Variants in NRP2 observed in about 807,000 individuals in gnomAD.
NRP2 encodes neuropilin-2.
Under a neutral mutation model 110.4 loss-of-function variants are expected in NRP2, and 52 were observed. That is an observed-to-expected ratio of 0.47 (90% CI 0.38 to 0.59). The LOEUF is 0.59. Among genes scored for constraint, NRP2 ranks in the 20% least tolerant of loss-of-function variants. NRP2 has a pLI of 0.00. For missense variants in NRP2, 1,049 were observed against 1,203.0 expected, an observed-to-expected ratio of 0.87 and a Z score of 1.89; for synonymous variants, 508 against 468.9, an observed-to-expected ratio of 1.08 and a Z score of -1.08.
chr2:205,763,993 G>A lies in NRP2; in HGVS notation c.2307+57G>A. On this transcript the variant is annotated intron_variant, in intron 13 of 16. Coordinates refer to ENST00000357785, the MANE Select transcript of NRP2 (RefSeq NM_003872.3). This position sits in a 1 kb window ranked among gnomAD's most constrained non-coding sequence, Gnocchi z 4.0. ...CGTATTTCAATATTTCAAGGGCCGAGCCCATTCATCGTTAGGGAACGTGGT... is the reference window on the plus strand; with the variant it reads ...CGTATTTCAATATTTCAAGGGCCGAACCCATTCATCGTTAGGGAACGTGGT... 4 of 1,604,612 alleles carry A rather than the reference G, an allele frequency of 2.5e-6. No individual in the cohort carries two copies. The highest frequency in any genetic ancestry group is 3.4e-6 in the Non-Finnish European group (4 of 1,173,934).
rs2056045930 is a variant in NRP2 at position 205,682,847 on chromosome 2, G to A, written c.-444G>A. The A allele has an allele frequency of 5.8e-6, 1 of 172,750 alleles. No homozygotes were observed. Among genetic ancestry groups the A allele is most frequent in the Non-Finnish European group, 1.2e-5 (1 of 80,396 alleles). 10.7% of individuals were successfully genotyped at this position (172,750 alleles called of 1,614,324 possible). On this transcript the variant is annotated 5_prime_UTR_variant, in exon 1 of 17. The change creates a new upstream start codon in the 5' untranslated region. Transcript: ENST00000357785. The surrounding 1 kb of genome is among the most constrained non-coding windows in gnomAD (Gnocchi z 4.3). ...GTGTCCGTCAAGGGTGCCGCGGGAT[G>A]TGTGTCAGTTTACGCCTCTGAGATC...
In NRP2 at chr2:205,683,219, A is replaced by G. The variant is rs1419530784; in HGVS notation, c.-72A>G. The G allele has an allele frequency of 1.7e-6, 2 of 1,148,202 alleles. No individual in the cohort carries two copies. The highest frequency in any genetic ancestry group is 2.6e-6 in the Non-Finnish European group (2 of 767,712). The allele number at this position is 1,148,202 out of a possible 1,614,324, so 71.1% of individuals were successfully genotyped here. ...TAAGACGTTGTAAGGAGGAAAATAAAAGAGAGAAAAACACAAAGATTTAAA... is the reference window on the plus strand; with the variant it reads ...TAAGACGTTGTAAGGAGGAAAATAAGAGAGAGAAAAACACAAAGATTTAAA... On this transcript the variant is annotated 5_prime_UTR_variant, in exon 1 of 17. Transcript: ENST00000357785.
chr2:205,743,051 C>T (rs1204182363), intron 8 of NRP2, 152 bp from the exon 9 acceptor site: 57 of 1,471,996 alleles, frequency 3.9e-5, no homozygotes, highest in Non-Finnish European at 5.1e-5. Flanking sequence ...AGGCTCTTAA[C>T]CACAGTGCTG....
Position 205,794,981 on chromosome 2 carries a change from AACT to A in NRP2, c.2707_2709del (p.Tyr903del). Reference sequence around the variant, plus strand: ...CTCCCGAAGCTGCACCACACTGGAGAACTACAACTTCGAGCTCTACGATGGCCT... The same window carrying A: ...CTCCCGAAGCTGCACCACACTGGAGAACAACTTCGAGCTCTACGATGGCCT... On this transcript the variant is annotated inframe_deletion, in exon 17 of 17. Coordinates refer to ENST00000357785, the MANE Select transcript of NRP2 (RefSeq NM_003872.3). 1 of 1,614,132 alleles carries A rather than the reference AACT, an allele frequency of 6.2e-7. No homozygotes were observed. Among genetic ancestry groups the A allele is most frequent in the Non-Finnish European group, 8.5e-7 (1 of 1,180,032 alleles).
At chr2:205,708,101 G>A (rs879386152) in intron 2 of NRP2, among the ~76,000 whole-genome samples, 6 of 152,186 alleles carry the variant, frequency 3.9e-5, no homozygotes, top group Non-Finnish European at 5.9e-5. Context: ...AGAAATTGTG[G>A]ACTACTCTTC....
intron 3 of NRP2, among the ~76,000 whole-genome samples, chr2:205,717,584 C>T (rs890403492): frequency 6.6e-6 from 1 of 152,188 alleles, no homozygotes; most frequent in Non-Finnish European, 1.5e-5. Flanking sequence ...GCAGCCCAGG[C>T]TGCTGCAGGG....
At chr2:205,788,422 G>A (rs1049109141) in intron 15 of NRP2, among the ~76,000 whole-genome samples, 1 of 152,156 alleles carries the variant, frequency 6.6e-6, no homozygotes, top group Admixed American at 6.5e-5. Context: ...TGGAGATCGG[G>A]AAGGCAGAGG....
At chr2:205,755,192 C>G (rs991790404) in intron 12 of NRP2, among the ~76,000 whole-genome samples, 1 of 152,174 alleles carries the variant, frequency 6.6e-6, no homozygotes, top group Non-Finnish European at 1.5e-5. Context: ...TAGTCTTTGT[C>G]CTCCTTCCAG....
At chr2:205,751,630 G>A (rs1324101764) in intron 11 of NRP2, among the ~76,000 whole-genome samples, 1 of 152,120 alleles carries the variant, frequency 6.6e-6, no homozygotes, top group East Asian at 1.9e-4. Context: ...GGGCCTGGTG[G>A]CAATCTTCCT....
rs78951332 is a variant in NRP2, at chr2:205,726,550, C to T, written c.990+468C>T. Among the ~76,000 whole-genome samples, 632 of 152,248 alleles carry T rather than the reference C, an allele frequency of 4.2e-3. 3 individuals are homozygous for T. The highest frequency in any genetic ancestry group is 0.015 in the African/African-American group (609 of 41,536). On this transcript the variant is annotated intron_variant, in intron 6 of 16. Transcript: ENST00000357785. ...TTTGCACAGAGCTATCAGAAGAACACATAGGAAAATGTCACTACCAGGAAC... is the reference window on the plus strand; with the variant it reads ...TTTGCACAGAGCTATCAGAAGAACATATAGGAAAATGTCACTACCAGGAAC...
chr2:205,780,973 G>A (rs1371515455), intron 15 of NRP2, among the ~76,000 whole-genome samples: 2 of 152,156 alleles, frequency 1.3e-5, no homozygotes, highest in Non-Finnish European at 2.9e-5. Context: ...ATAACATTTG[G>A]CTTTCCTTAA....
chr2:205,724,654 C>CTTTTTTTT (rs35094496), intron 5 of NRP2, among the ~76,000 whole-genome samples: 2 of 80,348 alleles, frequency 2.5e-5, no homozygotes, highest in African/African-American at 5.2e-5. Context: ...CAAACGATAA[C>CTTTTTTTT]TTTTTTTTTT....
rs889050833 is a variant in NRP2 at position 205,710,036 on chromosome 2, G to C, written c.252-6157G>C. On this transcript the variant is annotated intron_variant, in intron 2 of 16. Coordinates refer to ENST00000357785, the MANE Select transcript of NRP2 (RefSeq NM_003872.3). ...GTGATTTGTCTATTAATTTTGGTAA[G>C]TCCTTCAGCCTTGTTTAAACAGAAC... 2.0e-5 allele frequency among the ~76,000 whole-genome samples: 3 copies of C among 152,300 alleles called. No homozygotes were observed. In the South Asian group the frequency reaches 6.2e-4, roughly 32 times the overall value.
chr2:205,733,331 G>T (rs527579029), intron 7 of NRP2, among the ~76,000 whole-genome samples: 1 of 152,166 alleles, frequency 6.6e-6, no homozygotes. Flanking sequence ...CCAAGGCCCC[G>T]GCTGTGCACA....
At chr2:205,765,634 G>C in intron 14 of NRP2, 64 bp downstream of exon 14, 1 of 1,376,312 alleles carries the variant, frequency 7.3e-7, no homozygotes, top group Admixed American at 1.7e-5. Flanking sequence ...GGATAAGCAA[G>C]AGGAGGCAGG....
In NRP2 at chr2:205,765,686, G is replaced by C. The variant is rs775061767; in HGVS notation, c.2404+116G>C. The C allele has an allele frequency of 4.5e-6, 4 of 882,168 alleles. No individual in the cohort carries two copies. The Admixed American group carries it at 6.8e-5, about 15-fold the overall frequency. 54.6% of individuals were successfully genotyped at this position (882,168 alleles called of 1,614,324 possible). On this transcript the variant is annotated intron_variant, in intron 14 of 16. Coordinates refer to ENST00000357785, the MANE Select transcript of NRP2 (RefSeq NM_003872.3). ...CAGTCGTTACCCAGTGGGTGGGGCA[G>C]CCACAGTCTCTGCAAGGTAAGGTGT...
Position 205,743,592 on chromosome 2 carries a change from C to T in NRP2, c.1641+40C>T. 3 of 1,608,252 alleles carry T rather than the reference C, an allele frequency of 1.9e-6. No homozygotes were observed. The South Asian group carries it at 3.3e-5, about 18-fold the overall frequency. On this transcript the variant is annotated intron_variant, in intron 9 of 16. Transcript: ENST00000357785. ...GAGGCCTCTGTAACGTTACCCTCAA[C>T]AGGGAGGCTAAGTGTGGTACAGGGA...
In NRP2 at chr2:205,776,081, T is replaced by C. The variant is rs1013422338; in HGVS notation, c.2425+9278T>C. ...GGTAAGTAGGAAATAATGCAATCGT[T>C]GAGAAGTGCTTGGCAGGTGCTAAGG... is the stretch of plus-strand genomic sequence containing the variant. On this transcript the variant is annotated intron_variant, in intron 15 of 16. Transcript: ENST00000357785. 14 of 786,576 alleles carry C rather than the reference T, an allele frequency of 1.8e-5. No individual in the cohort carries two copies. In the African/African-American group the frequency reaches 2.2e-4, roughly 12 times the overall value. 48.7% of individuals were successfully genotyped at this position (786,576 alleles called of 1,614,324 possible). A position where few individuals can be genotyped will look rare whatever the true frequency, so the allele number is the denominator to read the frequency against.
intron 15 of NRP2, chr2:205,776,843 T>G: frequency 7.8e-7 from 1 of 1,274,330 alleles, no homozygotes; most frequent in Non-Finnish European, 1.0e-6. Context: ...CAGAGACTGG[T>G]TCGCTTGTTT....
Sources: allele counts gnomAD v4.1 joint callset (sites outside exome capture counted in the v4.1 genomes callset), GRCh38; gene constraint gnomAD v4.1.1; non-coding constraint Gnocchi (gnomAD v3.1); transcripts MANE v1.5; gene names NCBI Gene and HGNC (gene_info 2026-07-23, HGNC 2026-07-21).